The following CDYL variants were observed in gnomAD, a reference collection of about 807,000 sequenced individuals.
The protein encoded by CDYL is chromodomain Y-like protein.
CDYL carries 8 observed loss-of-function variants against 47.3 expected under a neutral mutation model. The observed-to-expected ratio is 0.17, with a 90% CI of 0.10 to 0.31. The LOEUF (loss-of-function observed/expected upper bound fraction) is 0.31. CDYL is among the 10% of genes least tolerant of loss of function. The pLI is 1.00. For missense variants in CDYL, 471 were observed against 701.4 expected (o/e 0.67, Z 3.71); for synonymous variants, 266 against 265.0 (o/e 1.00, Z -0.04).
At chr6:4,820,965 G>C (rs972026426) in intron 1 of CDYL, among the ~76,000 whole-genome samples, 1 of 152,198 alleles carries the variant, frequency 6.6e-6, no homozygotes, top group African/African-American at 2.4e-5. Context: ...ATCTTACTCA[G>C]TTCTTGGCAC....
At position 4,746,168 on chromosome 6, in the gene CDYL, G is replaced by A. The variant is rs138649842; in HGVS notation, c.186+11324G>A. 3.0e-3 allele frequency among the ~76,000 whole-genome samples: 448 copies of A among 151,850 alleles called. 4 individuals carry two copies. The highest frequency in any genetic ancestry group is 9.1e-3 in the African/African-American group (376 of 41,414). ...ATCGCGAGGTCAGGAGTTCTAGACC[G>A]GCCTGACCAACATGGTGAAACCCCA... On this transcript the variant is annotated intron_variant, in intron 3 of 8. Coordinates refer to the CDYL transcript ENST00000328908.
chr6:4,891,308 T>C (rs1461372967), intron 1 of CDYL, among the ~76,000 whole-genome samples: 2 of 152,202 alleles, frequency 1.3e-5, no homozygotes, highest in African/African-American at 2.4e-5. Context: ...AGCTCATTGC[T>C]GTCACCACTC....
intron 2 of CDYL, among the ~76,000 whole-genome samples, chr6:4,726,259 C>T (rs1242705196): frequency 1.3e-5 from 2 of 152,106 alleles, no homozygotes; most frequent in East Asian, 1.9e-4. Flanking sequence ...AAAATTAGGC[C>T]GGCGTGGCGG....
At chr6:4,758,351 A>ATATATATATATATATATAT (rs1758108099) in intron 3 of CDYL, among the ~76,000 whole-genome samples, 36 of 129,070 alleles carry the variant, frequency 2.8e-4, no homozygotes, top group East Asian at 1.1e-3. Context: ...AAAATAAATA[A>ATATATATATATATATATAT]ATATATATAT....
chr6:4,811,696 C>G lies in CDYL; in HGVS notation c.24+34889C>G, dbSNP rs116371256. ...TTATAGCTCACTGCAGCCTCAAACT[C>G]TTGGCCTCGAGTGATCTTCCTGCCC... On this transcript the variant is annotated intron_variant, in intron 1 of 6. Transcript: ENST00000397588. 8.3e-3 allele frequency among the ~76,000 whole-genome samples: 1,253 copies of G among 150,148 alleles called. 20 individuals carry two copies. Among genetic ancestry groups the G allele is most frequent in the African/African-American group, 0.03 (1,201 of 40,656 alleles).
At chr6:4,953,848 G>A (rs577827456) in intron 6 of CDYL, 50 bp from the exon 7 acceptor site, 299 of 1,568,966 alleles carry the variant, frequency 1.9e-4, no homozygotes, top group East Asian at 1.2e-3. Context: ...CAGGGGACCC[G>A]TGTCTGCCCG....
chr6:4,859,345 C>A (rs566496949), intron 1 of CDYL, among the ~76,000 whole-genome samples: 1 of 152,010 alleles, frequency 6.6e-6, no homozygotes, highest in South Asian at 2.1e-4. Context: ...GGATTACTTG[C>A]CATTGTGTAG....
At chr6:4,829,435 G>C (rs1017089023) in intron 1 of CDYL, among the ~76,000 whole-genome samples, 1 of 152,168 alleles carries the variant, frequency 6.6e-6, no homozygotes, top group African/African-American at 2.4e-5. Flanking sequence ...ACTTCTCCTA[G>C]TTTTTGCATT....
chr6:4,721,441 G>T (rs1043113540), intron 2 of CDYL, among the ~76,000 whole-genome samples: 1 of 152,004 alleles, frequency 6.6e-6, no homozygotes, highest in South Asian at 2.1e-4. Flanking sequence ...GGAGTGCAGC[G>T]GCATGATCTC....
chr6:4,859,895 G>T (rs1008278807), intron 1 of CDYL, among the ~76,000 whole-genome samples: 2 of 150,812 alleles, frequency 1.3e-5, no homozygotes, highest in African/African-American at 2.5e-5. Flanking sequence ...ATCTTTTTTT[G>T]TCTTTTTTTT....
chr6:4,882,740 G>A (rs1309701502), intron 1 of CDYL, among the ~76,000 whole-genome samples: 2 of 152,190 alleles, frequency 1.3e-5, no homozygotes, highest in African/African-American at 2.4e-5. Context: ...CTTTAGGGAT[G>A]TGCAGCCCTG....
intron 2 of CDYL, among the ~76,000 whole-genome samples, chr6:4,909,944 A>G (rs905463002): frequency 3.3e-5 from 5 of 152,024 alleles, no homozygotes; most frequent in African/African-American, 1.2e-4. Flanking sequence ...TGGGCTTCCA[A>G]TATGCTAGGC....
At chr6:4,882,205 A>G (rs1472126848) in intron 1 of CDYL, among the ~76,000 whole-genome samples, 1 of 152,184 alleles carries the variant, frequency 6.6e-6, no homozygotes, top group Non-Finnish European at 1.5e-5. Flanking sequence ...AATTGTGGCA[A>G]GCTCACTTGT....
At chr6:4,817,258 A>G (rs992715152) in intron 1 of CDYL, among the ~76,000 whole-genome samples, 1 of 151,894 alleles carries the variant, frequency 6.6e-6, no homozygotes, top group Non-Finnish European at 1.5e-5. Flanking sequence ...CATGCATTGA[A>G]CTGTGTGCTC....
intron 1 of CDYL, among the ~76,000 whole-genome samples, chr6:4,886,002 C>CATGT (rs1040182404): frequency 5.3e-5 from 8 of 152,184 alleles, no homozygotes; most frequent in Non-Finnish European, 1.0e-4. Context: ...TAAATGGCAT[C>CATGT]ATGTATGTGA....
upstream of CDYL, among the ~76,000 whole-genome samples, chr6:4,773,709 C>T (rs151097830): frequency 2.8e-3 from 425 of 152,268 alleles, 3 homozygotes; most frequent in African/African-American, 9.8e-3. This position sits in a 1 kb window ranked among gnomAD's most constrained non-coding sequence, Gnocchi z 4.6. Context: ...CCATCTCCTT[C>T]GCCAGTGGAA....
chr6:4,919,302 G>T (rs960231295), intron 2 of CDYL, among the ~76,000 whole-genome samples: 2 of 151,126 alleles, frequency 1.3e-5, no homozygotes, highest in Non-Finnish European at 2.9e-5. Flanking sequence ...GCAGTTCCAG[G>T]ATATAAAAAA....
At chr6:4,707,221 T>C (rs1277372428) in intron 1 of CDYL, among the ~76,000 whole-genome samples, 2 of 152,206 alleles carry the variant, frequency 1.3e-5, no homozygotes, top group Non-Finnish European at 2.9e-5. Flanking sequence ...GCTCAAGTCA[T>C]TTGTCCAAGA....
At chr6:4,815,218 T>A (rs913358115) in intron 1 of CDYL, among the ~76,000 whole-genome samples, 2 of 152,250 alleles carry the variant, frequency 1.3e-5, no homozygotes, top group African/African-American at 4.8e-5. Flanking sequence ...TATGTATGTA[T>A]GTGTATATAT....
Sources: gnomAD v4.1 joint callset for allele counts (sites outside exome capture counted in the v4.1 genomes callset) on GRCh38, gnomAD v4.1.1 for gene constraint, Gnocchi (gnomAD v3.1) non-coding constraint, MANE v1.5 for transcripts, NCBI Gene and HGNC (gene_info 2026-07-23, HGNC 2026-07-21) for gene names.